CTNNBL1: variants seen among roughly 807,000 people sequenced by gnomAD.
The protein encoded by CTNNBL1 is beta-catenin-like protein 1.
Under a neutral mutation model 72.7 loss-of-function variants are expected in CTNNBL1, and 31 were observed. That is an observed-to-expected ratio of 0.43 (90% confidence interval 0.32 to 0.58). The LOEUF is 0.58. Among genes scored for constraint, CTNNBL1 ranks in the 20% least tolerant of loss-of-function variants. The probability of loss-of-function intolerance (pLI) is 0.08; values close to 1 mark genes in which losing one functional copy is unlikely to be tolerated. For missense variants in CTNNBL1, 534 were observed against 725.1 expected (o/e 0.74, Z 3.03); for synonymous variants, 240 against 267.3 (o/e 0.90, Z 1.00).
At chr20:37,743,912 A>G (rs982716200) in intron 3 of CTNNBL1, among the ~76,000 whole-genome samples, 5 of 152,150 alleles carry the variant, frequency 3.3e-5, no homozygotes, top group Non-Finnish European at 7.4e-5. Flanking sequence ...CTCAGGATAC[A>G]TGTAAAATAG....
chr20:37,775,589 T>A (rs573671364), intron 7 of CTNNBL1, among the ~76,000 whole-genome samples: 3 of 152,360 alleles, frequency 2.0e-5, no homozygotes, highest in Admixed American at 2.0e-4. Flanking sequence ...TTTCCTTTTT[T>A]AAAATTTGAT....
intron 1 of CTNNBL1, among the ~76,000 whole-genome samples, chr20:37,708,853 A>G (rs2072912504): frequency 6.6e-6 from 1 of 152,042 alleles, no homozygotes. Flanking sequence ...AAGGAGTTGA[A>G]ACTGGCCAGG....
At chr20:37,823,948 A>G (rs1434217752) in intron 11 of CTNNBL1, among the ~76,000 whole-genome samples, 3 of 152,246 alleles carry the variant, frequency 2.0e-5, no homozygotes, top group Non-Finnish European at 4.4e-5. Context: ...ACAAAAGACC[A>G]AAGTCTCATT....
intron 11 of CTNNBL1, among the ~76,000 whole-genome samples, chr20:37,813,110 G>T (rs1013388882): frequency 6.6e-6 from 1 of 152,212 alleles, no homozygotes; most frequent in African/African-American, 2.4e-5. Context: ...TGTTGGGGAC[G>T]TGTTCTCAGA....
intron 1 of CTNNBL1, among the ~76,000 whole-genome samples, chr20:37,697,433 G>A (rs2072803217): frequency 6.6e-6 from 1 of 152,174 alleles, no homozygotes; most frequent in South Asian, 2.1e-4. Context: ...ATGGACATAG[G>A]CTATTGGTAG....
intron 9 of CTNNBL1, among the ~76,000 whole-genome samples, chr20:37,778,886 G>A (rs576120076): frequency 6.6e-5 from 10 of 152,044 alleles, no homozygotes; most frequent in Admixed American, 4.6e-4. Context: ...TATATTTCAC[G>A]ATAAAAAGAT....
intron 13 of CTNNBL1, among the ~76,000 whole-genome samples, chr20:37,851,560 C>A (rs1276665298): frequency 6.6e-6 from 1 of 151,972 alleles, no homozygotes; most frequent in East Asian, 1.9e-4. Flanking sequence ...AGACTTTTTC[C>A]TTTTTTGAAC....
At chr20:37,695,701 C>G (rs993623729) in intron 1 of CTNNBL1, among the ~76,000 whole-genome samples, 1 of 152,188 alleles carries the variant, frequency 6.6e-6, no homozygotes, top group Non-Finnish European at 1.5e-5. Context: ...GCTGCTGTAA[C>G]CTTGAACAAA....
At chr20:37,713,820 C>T (rs2072961388) in intron 1 of CTNNBL1, among the ~76,000 whole-genome samples, 1 of 152,078 alleles carries the variant, frequency 6.6e-6, no homozygotes, top group Non-Finnish European at 1.5e-5. Context: ...GAAACCAAGC[C>T]AAAAGAACAA....
rs534197478 is a variant in CTNNBL1 at position 37,746,052 on chromosome 20, G to A, written c.327-416G>A. Among the ~76,000 whole-genome samples, 13 of 152,294 alleles carry A rather than the reference G, an allele frequency of 8.5e-5. No homozygotes were observed. The East Asian group carries it at 2.3e-3, about 27-fold the overall frequency. ...TCTTCTTTGGTAAGGGGAATAACTG[G>A]CCCTTGATCTGAAGTGGGAAGTAAG... On this transcript the variant is annotated intron_variant, in intron 3 of 15. Transcript: ENST00000361383.
chr20:37,694,185 T>C lies in CTNNBL1; in HGVS notation c.30+33T>C, dbSNP rs761324789. On this transcript the variant is annotated intron_variant, in intron 1 of 15. Coordinates refer to ENST00000361383, the MANE Select transcript of CTNNBL1 (RefSeq NM_030877.5). Reference sequence around the variant, plus strand: ...GGGCAGGGAGGGCCGAGCGACCGCGTTCTCACCTGGGCAGGGGTCGCAGGA... The same window carrying C: ...GGGCAGGGAGGGCCGAGCGACCGCGCTCTCACCTGGGCAGGGGTCGCAGGA... 5.7e-6 allele frequency: 9 copies of C among 1,573,738 alleles called. No homozygotes were observed. The South Asian group carries it at 1.0e-4, about 18-fold the overall frequency.
chr20:37,732,685 C>T (rs139239804), intron 1 of CTNNBL1, among the ~76,000 whole-genome samples, 194 bp from the exon 2 acceptor site: 7 of 152,246 alleles, frequency 4.6e-5, no homozygotes, highest in African/African-American at 1.7e-4. Context: ...GCTGTCTATG[C>T]CTTGCAAAGT....
At chr20:37,775,121 C>T (rs1191640523) in intron 7 of CTNNBL1, among the ~76,000 whole-genome samples, 3 of 152,006 alleles carry the variant, frequency 2.0e-5, no homozygotes, top group Non-Finnish European at 4.4e-5. Context: ...TATGTCCAAA[C>T]CATTTAATAT....
intron 1 of CTNNBL1, 53 bp downstream of exon 1, chr20:37,694,205 G>C: frequency 6.6e-7 from 1 of 1,508,188 alleles, no homozygotes; most frequent in South Asian, 1.2e-5. Flanking sequence ...GGCAGGGGTC[G>C]CAGGAGCCAG....
intron 10 of CTNNBL1, among the ~76,000 whole-genome samples, chr20:37,796,910 C>T (rs570900977): frequency 9.2e-5 from 14 of 152,080 alleles, no homozygotes; most frequent in Admixed American, 7.9e-4. Context: ...CTTACATTCA[C>T]GGTTTATTGG....
intron 13 of CTNNBL1, among the ~76,000 whole-genome samples, chr20:37,857,181 G>T (rs2072450308): frequency 6.6e-6 from 1 of 152,238 alleles, no homozygotes; most frequent in African/African-American, 2.4e-5. Context: ...ATGAGCAAAT[G>T]AGAAACTAAA....
At chr20:37,824,231 G>A (rs1330942726) in intron 11 of CTNNBL1, among the ~76,000 whole-genome samples, 1 of 152,238 alleles carries the variant, frequency 6.6e-6, no homozygotes, top group Non-Finnish European at 1.5e-5. Flanking sequence ...TTACAAGGAT[G>A]TGAGTTAATA....
At chr20:37,865,581 G>A (rs1404852004) in intron 15 of CTNNBL1, among the ~76,000 whole-genome samples, 2 of 152,246 alleles carry the variant, frequency 1.3e-5, no homozygotes, top group East Asian at 1.9e-4. Flanking sequence ...AAGGGTTTCC[G>A]CAGGCAGCTA....
intron 11 of CTNNBL1, among the ~76,000 whole-genome samples, chr20:37,833,167 T>G (rs1459312672): frequency 6.6e-6 from 1 of 152,192 alleles, no homozygotes; most frequent in East Asian, 1.9e-4. Flanking sequence ...GTTTCCATAC[T>G]CAGAACCCCA....
Sources: gnomAD v4.1 joint callset for allele counts (sites outside exome capture counted in the v4.1 genomes callset) on GRCh38, gnomAD v4.1.1 for gene constraint, MANE v1.5 for transcripts, NCBI Gene and HGNC (gene_info 2026-07-23, HGNC 2026-07-21) for gene names.